Variants in ATXN1L observed in about 807,000 individuals in gnomAD.
ATXN1L encodes ataxin-1-like.
In ATXN1L, 8 loss-of-function variants were observed where a neutral mutation model predicts 43.4. The observed-to-expected ratio is 0.18, with a 90% CI of 0.11 to 0.33. ATXN1L has a LOEUF of 0.33. Ranked by LOEUF, ATXN1L falls within the 10% of genes least tolerant of loss-of-function variation. ATXN1L has a pLI of 1.00. For synonymous variants in ATXN1L, 379 were observed against 360.6 expected (o/e 1.05, Z -0.58); for missense variants, 856 against 885.4 (o/e 0.97, Z 0.42).
rs2033559448 is a variant in ATXN1L at position 71,857,251 on chromosome 16, A to G, written c.*5441A>G. The G allele has an allele frequency of 6.1e-6, 1 of 163,266 alleles. No homozygotes were observed. Among genetic ancestry groups the G allele is most frequent in the Non-Finnish European group, 1.5e-5 (1 of 68,098 alleles). The allele number at this position is 163,266 out of a possible 1,614,324, so 10.1% of individuals were successfully genotyped here. A position where few individuals can be genotyped will look rare whatever the true frequency, so the allele number is the denominator to read the frequency against. The stretch of plus-strand genomic sequence containing the variant: ...CTCTTCTTATGGATACCTGCATTTA[A>G]CTTGTGGACTATGTAAACACAATAT... On this transcript the variant is annotated 3_prime_UTR_variant, in exon 3 of 3. Transcript: ENST00000427980.
chr16:71,846,133 G>T, intron 1 of ATXN1L, 29 bp downstream of exon 1: 1 of 189,388 alleles, frequency 5.3e-6, no homozygotes, highest in South Asian at 6.6e-5. Flanking sequence ...GGTGGCCGCC[G>T]GGGCCAGGCA....
chr16:71,848,233 G>A (rs1428316182), intron 2 of ATXN1L, 162 bp downstream of exon 2: 1 of 316,814 alleles, frequency 3.2e-6, no homozygotes, highest in South Asian at 2.4e-5. Context: ...GAAGTGTTCA[G>A]ACCAAAAAGT....
rs1248364670 is a variant in ATXN1L, at chr16:71,855,847, A to G, written c.*4037A>G. 6.0e-6 allele frequency: 1 copy of G among 167,086 alleles called. No individual in the cohort carries two copies. Among genetic ancestry groups the G allele is most frequent in the Non-Finnish European group, 1.5e-5 (1 of 68,134 alleles). 10.4% of individuals were successfully genotyped at this position (167,086 alleles called of 1,614,324 possible). A position where few individuals can be genotyped will look rare whatever the true frequency, so the allele number is the denominator to read the frequency against. On this transcript the variant is annotated 3_prime_UTR_variant, in exon 3 of 3. Transcript: ENST00000427980. The stretch of plus-strand genomic sequence containing the variant: ...TTCCAGATGGGCAAAAGTGTACACT[A>G]CAGTTGAGGAGCTGAACCTTATTAG...
At position 71,852,845 on chromosome 16, in the gene ATXN1L, G is replaced by A. The variant is rs1291079415; in HGVS notation, c.*1035G>A. ...TGCACTGCCTTTCCTTGTCTGCAAA[G>A]TTGGTTTTGTCCACTCTGACCAAGA... On this transcript the variant is annotated 3_prime_UTR_variant, in exon 3 of 3. Coordinates refer to ENST00000427980, the MANE Select transcript of ATXN1L (RefSeq NM_001137675.4). 6.0e-6 allele frequency: 1 copy of A among 167,280 alleles called. No homozygotes were observed. Among genetic ancestry groups the A allele is most frequent in the Admixed American group, 6.5e-5 (1 of 15,286 alleles). 10.4% of individuals were successfully genotyped at this position (167,280 alleles called of 1,614,324 possible).
rs2033496442 is a variant in ATXN1L, at chr16:71,851,037, G to A, written c.1297G>A (p.Gly433Ser). The A allele has an allele frequency of 5.8e-6, 9 of 1,551,470 alleles. No homozygotes were observed. Among genetic ancestry groups the A allele is most frequent in the Admixed American group, 2.0e-5 (1 of 50,974 alleles). The change falls in exon 3 of 3, where the codon GGC becomes AGC. Residue 433 changes from glycine (G) to serine (S), a missense_variant. By Grantham distance (56) the Gly-to-Ser change is moderately conservative. Coordinates refer to ENST00000427980, the MANE Select transcript of ATXN1L (RefSeq NM_001137675.4). This position sits in a 1 kb window ranked among gnomAD's most constrained non-coding sequence, Gnocchi z 4.9. ...TGTDSGLLPV[G>S]SEILVASSLD... ...AACTGACTCAGGCCTGCTGCCTGTG[G>A]GCTCGGAGATCCTGGTAGCATCAAG...
rs1443239400 is a variant in ATXN1L at position 71,848,339 on chromosome 16, A to G, written c.-118+268A>G. ...ATGAATCATACAGATACGGGGAAAAAAACAGGCATGTTTAGAGGAATGGAA... is the reference window on the plus strand; with the variant it reads ...ATGAATCATACAGATACGGGGAAAAGAACAGGCATGTTTAGAGGAATGGAA... On this transcript the variant is annotated intron_variant, in intron 2 of 2. Coordinates refer to ENST00000427980, the MANE Select transcript of ATXN1L (RefSeq NM_001137675.4). 9 of 246,922 alleles carry G rather than the reference A, an allele frequency of 3.6e-5. No individual in the cohort carries two copies. In the Admixed American group the frequency reaches 4.9e-4, roughly 14 times the overall value. The allele number at this position is 246,922 out of a possible 1,614,324, so 15.3% of individuals were successfully genotyped here. A position where few individuals can be genotyped will look rare whatever the true frequency, so the allele number is the denominator to read the frequency against.
At position 71,849,818 on chromosome 16, in the gene ATXN1L, G is replaced by T. The variant is rs1466569333; in HGVS notation, c.78G>T (p.Met26Ile). ...KRDLPVTSED[M>I]GRTTSCSTNH... ...ACCTCCCCGTGACCAGCGAGGATATGGGGAGAACTACCAGCTGCTCCACTA... is the reference window on the plus strand; with the variant it reads ...ACCTCCCCGTGACCAGCGAGGATATTGGGAGAACTACCAGCTGCTCCACTA... The change falls in exon 3 of 3, where the codon ATG becomes ATT. Residue 26 changes from methionine (M) to isoleucine (I), a missense_variant. Transcript: ENST00000427980. 1.3e-6 allele frequency: 2 copies of T among 1,550,936 alleles called. No individual in the cohort carries two copies. Among genetic ancestry groups the T allele is most frequent in the Middle Eastern group, 1.7e-4 (1 of 5,988 alleles).
rs760813332 is a variant in ATXN1L at position 71,851,665 on chromosome 16, C to T, written c.1925C>T (p.Ser642Phe). The change falls in exon 3 of 3, where the codon TCC (serine) becomes TTC (phenylalanine). Residue 642 changes from serine to phenylalanine, a missense_variant. Transcript: ENST00000427980. This position sits in a 1 kb window ranked among gnomAD's most constrained non-coding sequence, Gnocchi z 4.9. ...GTGGTAGAGCCTTCCCAGCCTGAGT[C>T]CGGTGCTCAGGCCTGCTGGCCAGCC... ...SRVVEPSQPE[S>F]GAQACWPAPS... 1 of 1,514,996 alleles carries T rather than the reference C, an allele frequency of 6.6e-7. No homozygotes were observed. The highest frequency in any genetic ancestry group is 8.9e-7 in the Non-Finnish European group (1 of 1,125,602). 93.8% of individuals were successfully genotyped at this position (1,514,996 alleles called of 1,614,324 possible).
chr16:71,847,395 G>C (rs2033453754), intron 1 of ATXN1L, among the ~76,000 whole-genome samples: 1 of 151,968 alleles, frequency 6.6e-6, no homozygotes, highest in Admixed American at 6.6e-5. Flanking sequence ...TTGGTATACT[G>C]TCACTCAGAA....
At position 71,855,497 on chromosome 16, in the gene ATXN1L, C is replaced by T. The variant is rs1339888369; in HGVS notation, c.*3687C>T. 6.0e-6 allele frequency: 1 copy of T among 167,060 alleles called. No individual in the cohort carries two copies. The highest frequency in any genetic ancestry group is 1.5e-5 in the Non-Finnish European group (1 of 68,134). 10.3% of individuals were successfully genotyped at this position (167,060 alleles called of 1,614,324 possible). ...GGTTTAAAGTTTGGCTGAAATAGCA[C>T]CTCAAGTGGGGTTTAGTTTTATTTT... On this transcript the variant is annotated 3_prime_UTR_variant, in exon 3 of 3. Transcript: ENST00000427980.
rs2033550140 is a variant in ATXN1L, at chr16:71,856,261, T to C, written c.*4451T>C. The C allele has an allele frequency of 1.2e-5, 2 of 167,096 alleles. No individual in the cohort carries two copies. The highest frequency in any genetic ancestry group is 2.9e-5 in the Non-Finnish European group (2 of 68,100). 10.4% of individuals were successfully genotyped at this position (167,096 alleles called of 1,614,324 possible). A position where few individuals can be genotyped will look rare whatever the true frequency, so the allele number is the denominator to read the frequency against. ...TAAACCTAGATCCCTCCCTGGTAGA[T>C]TGCGAACTCAAAGTTTTGTGATCCC... On this transcript the variant is annotated 3_prime_UTR_variant, in exon 3 of 3. Coordinates refer to ENST00000427980, the MANE Select transcript of ATXN1L (RefSeq NM_001137675.4).
In ATXN1L at chr16:71,850,964, T is replaced by C; in HGVS notation, c.1224T>C (p.Pro408=). Reference sequence around the variant, plus strand: ...ATCAGGAACCAGTAAAACATAGACCTTTACCCAAAGCAATGGTTGTAGCCA... The same window carrying C: ...ATCAGGAACCAGTAAAACATAGACCCTTACCCAAAGCAATGGTTGTAGCCA... ...QSHQEPVKHR[P]LPKAMVVANG... is the part of the protein sequence containing the mutation. Residue 408 remains proline, a synonymous_variant, in exon 3 of 3, where the codon CCT becomes CCC. Coordinates refer to ENST00000427980, the MANE Select transcript of ATXN1L (RefSeq NM_001137675.4). 1 of 1,551,620 alleles carries C rather than the reference T, an allele frequency of 6.4e-7. No homozygotes were observed. The highest frequency in any genetic ancestry group is 8.7e-7 in the Non-Finnish European group (1 of 1,146,976).
In ATXN1L at chr16:71,851,926, G is replaced by A. The variant is rs954968363; in HGVS notation, c.*116G>A. 4.2e-6 allele frequency: 5 copies of A among 1,204,018 alleles called. No individual in the cohort carries two copies. Among genetic ancestry groups the A allele is most frequent in the Non-Finnish European group, 5.5e-6 (5 of 913,038 alleles). 74.6% of individuals were successfully genotyped at this position (1,204,018 alleles called of 1,614,324 possible). A position where few individuals can be genotyped will look rare whatever the true frequency, so the allele number is the denominator to read the frequency against. ...AATGGCTTTCTTGGCAGTGAGATTT[G>A]GGGGAAAGGGGAGGCATGAAGTCAG... is the stretch of plus-strand genomic sequence containing the variant. On this transcript the variant is annotated 3_prime_UTR_variant, in exon 3 of 3. Transcript: ENST00000427980. This position sits in a 1 kb window ranked among gnomAD's most constrained non-coding sequence, Gnocchi z 4.9.
chr16:71,852,416 C>G lies in ATXN1L; in HGVS notation c.*606C>G, dbSNP rs891292783. 1 of 167,372 alleles carries G rather than the reference C, an allele frequency of 6.0e-6. No homozygotes were observed. Among genetic ancestry groups the G allele is most frequent in the African/African-American group, 2.4e-5 (1 of 41,558 alleles). The allele number at this position is 167,372 out of a possible 1,614,324, so 10.4% of individuals were successfully genotyped here. A position where few individuals can be genotyped will look rare whatever the true frequency, so the allele number is the denominator to read the frequency against. On this transcript the variant is annotated 3_prime_UTR_variant, in exon 3 of 3. Transcript: ENST00000427980. The stretch of plus-strand genomic sequence containing the variant: ...CAGGACTCTGCTTGATCCTCTGCTT[C>G]ATAGCCCTTCCCCATCTCTCCTCAC...
chr16:71,849,257 A>T (rs141818649), intron 2 of ATXN1L, among the ~76,000 whole-genome samples: 2,257 of 149,136 alleles, frequency 0.015, 36 homozygotes, highest in Non-Finnish European at 0.023. Flanking sequence ...AAGAGCCAGC[A>T]GGAAAGACCA....
intron 2 of ATXN1L, among the ~76,000 whole-genome samples, chr16:71,849,336 C>T (rs763732716): frequency 1.3e-5 from 2 of 151,706 alleles, no homozygotes; most frequent in Admixed American, 6.6e-5. Context: ...CATGACTAAC[C>T]GTGAAGCTGT....
Position 71,850,300 on chromosome 16 carries a change from C to A in ATXN1L, c.560C>A (p.Pro187His). 1 of 1,551,716 alleles carries A rather than the reference C, an allele frequency of 6.4e-7. No individual in the cohort carries two copies. Among genetic ancestry groups the A allele is most frequent in the Non-Finnish European group, 8.7e-7 (1 of 1,146,978 alleles). ...TCACTTCTGGCTGAAGGAGCCACTC[C>A]TCCCCCACAGGCTCCCTCCCCGGCC... The part of the protein sequence containing the change: ...YASLLAEGAT[P>H]PPQAPSPAHS... Residue 187 changes from proline to histidine, a missense_variant, in exon 3 of 3, where the codon CCT (proline) becomes CAT (histidine). Physicochemically the swap from Pro to His is moderately conservative, Grantham distance 77 (BLOSUM62 -2). Coordinates refer to ENST00000427980, the MANE Select transcript of ATXN1L (RefSeq NM_001137675.4).
rs780031999 is a variant in ATXN1L at position 71,850,256 on chromosome 16, A to G, written c.516A>G (p.Pro172=). ...PSANLATSHL[P]HFVPYASLLA... is the part of the protein sequence containing the mutation. The stretch of plus-strand genomic sequence containing the variant: ...CCAACCTTGCCACCTCTCACCTTCC[A>G]CACTTTGTGCCATATGCCTCACTTC... Residue 172 remains proline, a synonymous_variant, in exon 3 of 3, where the codon CCA becomes CCG. Coordinates refer to ENST00000427980, the MANE Select transcript of ATXN1L (RefSeq NM_001137675.4). 1.8e-5 allele frequency: 28 copies of G among 1,550,934 alleles called. No individual in the cohort carries two copies. The highest frequency in any genetic ancestry group is 2.4e-5 in the Non-Finnish European group (27 of 1,146,798).
At position 71,850,507 on chromosome 16, in the gene ATXN1L, C is replaced by T. The variant is rs1202144754; in HGVS notation, c.767C>T (p.Pro256Leu). 20 of 1,551,602 alleles carry T rather than the reference C, an allele frequency of 1.3e-5. No homozygotes were observed. The highest frequency in any genetic ancestry group is 5.9e-5 in the Admixed American group (3 of 50,988). ...GCAGGTGCCAGCCCAGTTCTTACCC[C>T]TCAGGAGAGCCAGTCTGCTCTGGAA... ...PPAGASPVLT[P>L]QESQSALEAA... Residue 256 changes from proline to leucine, a missense_variant, in exon 3 of 3, where the codon CCT (proline) becomes CTT (leucine). Physicochemically the swap from Pro to Leu is moderately conservative, Grantham distance 98. Transcript: ENST00000427980.
Sources: allele counts gnomAD v4.1 joint callset (sites outside exome capture counted in the v4.1 genomes callset), GRCh38; gene constraint gnomAD v4.1.1; non-coding constraint Gnocchi (gnomAD v3.1); transcripts MANE v1.5; gene names NCBI Gene and HGNC (gene_info 2026-07-23, HGNC 2026-07-21).